Variants in SLC6A5 observed in about 807,000 individuals in gnomAD.
SLC6A5 encodes sodium- and chloride-dependent glycine transporter 2.
SLC6A5 carries 58 observed loss-of-function variants against 90.5 expected under a neutral mutation model. The observed-to-expected ratio is 0.64, with a 90% CI of 0.52 to 0.80. The LOEUF (loss-of-function observed/expected upper bound fraction) is 0.80. Among genes scored for constraint, SLC6A5 ranks in the 30% least tolerant of loss-of-function variants. SLC6A5 has a pLI of 0.00. For synonymous variants in SLC6A5, 427 were observed against 401.4 expected (o/e 1.06, Z -0.76); for missense variants, 1,015 against 1,017.6 (o/e 1.00, Z 0.03).
At chr11:20,627,946 T>A in intron 8 of SLC6A5, 34 bp from the exon 9 acceptor site, 7 of 1,545,324 alleles carry the variant, frequency 4.5e-6, no homozygotes, top group Non-Finnish European at 3.6e-6. Context: ...GTCTCCTTCA[T>A]GGGTCTTGAA....
chr11:20,626,773 C>G lies in SLC6A5; in HGVS notation c.1326C>G (p.Thr442=). Residue 442 remains threonine (T), a synonymous_variant, in exon 8 of 16, where the codon ACC becomes ACG. Transcript: ENST00000525748. ...TGATCCTCCTCATCCGAGGAGTCAC[C>G]CTGCCTGGAGCTGGAGCTGGGATCT... The part of the protein sequence containing the change: ...VLVILLIRGV[T]LPGAGAGIWY... 3.1e-6 allele frequency: 5 copies of G among 1,613,884 alleles called. No homozygotes were observed. Among genetic ancestry groups the G allele is most frequent in the Non-Finnish European group, 4.2e-6 (5 of 1,179,790 alleles).
chr11:20,615,035 C>T (rs139941593), intron 6 of SLC6A5, among the ~76,000 whole-genome samples: 5 of 152,134 alleles, frequency 3.3e-5, no homozygotes, highest in African/African-American at 4.8e-5. Context: ...AGAATCATTG[C>T]GGCTATAATT....
chr11:20,651,911 GAAA>G (rs942042144), intron 14 of SLC6A5, among the ~76,000 whole-genome samples: 1 of 144,132 alleles, frequency 6.9e-6, no homozygotes, highest in African/African-American at 2.6e-5. Context: ...GTCTCAAAAA[GAAA>G]AAAAAAAGAA....
chr11:20,607,022 C>A lies in SLC6A5; in HGVS notation c.695C>A (p.Pro232His), dbSNP rs1391670849. The A allele has an allele frequency of 6.2e-7, 1 of 1,614,020 alleles. No homozygotes were observed. Among genetic ancestry groups the A allele is most frequent in the African/African-American group, 1.3e-5 (1 of 74,920 alleles). The change falls in exon 4 of 16, where the codon CCT becomes CAT. Residue 232 changes from proline (P) to histidine (H), a missense_variant. Coordinates refer to ENST00000525748, the MANE Select transcript of SLC6A5 (RefSeq NM_004211.5). ...FQNGGGAFLIPYLMMLALAGL... is the reference protein window; with the variant it reads ...FQNGGGAFLIHYLMMLALAGL... ...TCTTTCCAAGGTGCTTTCCTCATCC[C>A]TTACCTGATGATGCTGGCTCTGGCT...
rs1373031954 is a variant in SLC6A5 at position 20,654,842 on chromosome 11, G to A, written c.2368G>A (p.Asp790Asn). Residue 790 changes from aspartate to asparagine, a missense_variant, in exon 16 of 16, where the codon GAT becomes AAT. Around this residue, in one of 3 missense-constraint regions of SLC6A5, gnomAD observed 442 missense variants for 494.3 expected, o/e 0.89. Coordinates refer to ENST00000525748, the MANE Select transcript of SLC6A5 (RefSeq NM_004211.5). The stretch of plus-strand genomic sequence containing the variant: ...CTTGGGACTCAAACTGCCAGTGAAG[G>A]ATTTGGAACTGGGCACTCAGTGCTA... ...SSLGLKLPVK[D>N]LELGTQC 6.2e-7 allele frequency: 1 copy of A among 1,614,196 alleles called. No homozygotes were observed. The highest frequency in any genetic ancestry group is 2.2e-5 in the East Asian group (1 of 44,870).
In SLC6A5 at chr11:20,653,492, C is replaced by G. The variant is rs77505958; in HGVS notation, c.2238+1036C>G. Among the ~76,000 whole-genome samples the G allele has an allele frequency of 1.6e-3, 242 of 152,274 alleles. 2 individuals carry two copies. The highest frequency in any genetic ancestry group is 5.6e-3 in the African/African-American group (234 of 41,550). ...AAAGGAATGAAGAAGGAACAGGCCT[C>G]TGGGTTATCCCATTGAGGCTCTGGA... On this transcript the variant is annotated intron_variant, in intron 15 of 15. Coordinates refer to ENST00000525748, the MANE Select transcript of SLC6A5 (RefSeq NM_004211.5).
chr11:20,602,044 G>C (rs958448766), intron 2 of SLC6A5, among the ~76,000 whole-genome samples: 2 of 152,202 alleles, frequency 1.3e-5, no homozygotes, highest in African/African-American at 4.8e-5. Flanking sequence ...AACAAAAAGA[G>C]GGTTAAAATT....
intron 14 of SLC6A5, among the ~76,000 whole-genome samples, chr11:20,651,287 T>G (rs900711570): frequency 3.8e-5 from 5 of 131,064 alleles, no homozygotes; most frequent in African/African-American, 1.4e-4. Flanking sequence ...CCTTCCCTTT[T>G]TCCTGAGACC....
chr11:20,616,014 G>A (rs187288491), intron 6 of SLC6A5, among the ~76,000 whole-genome samples: 139 of 152,306 alleles, frequency 9.1e-4, no homozygotes, highest in East Asian at 3.9e-4. Flanking sequence ...TTAAATGGCA[G>A]CAAAATAATT....
chr11:20,652,053 A>AT (rs34853326), intron 14 of SLC6A5, among the ~76,000 whole-genome samples: 2,586 of 152,284 alleles, frequency 0.017, 65 homozygotes, highest in African/African-American at 0.06. Flanking sequence ...ACATGCACAC[A>AT]TATTGCTCCG....
chr11:20,628,557 C>T (rs545762964), intron 9 of SLC6A5, among the ~76,000 whole-genome samples: 39 of 152,312 alleles, frequency 2.6e-4, no homozygotes, highest in Middle Eastern at 3.4e-3. Flanking sequence ...GCCCTATCTC[C>T]AAATACAGTC....
intron 2 of SLC6A5, among the ~76,000 whole-genome samples, chr11:20,602,217 C>T (rs1438347278): frequency 2.0e-5 from 3 of 152,136 alleles, no homozygotes; most frequent in Non-Finnish European, 4.4e-5. Context: ...GGGGCCTGTC[C>T]TTTGCCTGGG....
Position 20,654,907 on chromosome 11 carries a change from T to C in SLC6A5, c.*39T>C, listed in dbSNP as rs776766960. The C allele has an allele frequency of 2.4e-5, 38 of 1,599,348 alleles. No homozygotes were observed. The African/African-American group carries it at 2.8e-4, about 12-fold the overall frequency. ...GATGGTCCAGACTTGATCCTGTTTTTCCTCTCTGCCTCCTCCTAATGTTTT... is the reference window on the plus strand; with the variant it reads ...GATGGTCCAGACTTGATCCTGTTTTCCCTCTCTGCCTCCTCCTAATGTTTT... On this transcript the variant is annotated 3_prime_UTR_variant, in exon 16 of 16. Transcript: ENST00000525748.
In SLC6A5 at chr11:20,637,163, CGG is replaced by C. The variant is rs771768092; in HGVS notation, c.1738-8_1738-7del. The C allele has an allele frequency of 1.0e-4, 161 of 1,613,726 alleles. No individual in the cohort carries two copies. In the African/African-American group the frequency reaches 1.6e-3, roughly 16 times the overall value. ...TGACTCAGATGTTCATTTCCTGACA[CGG>C]TTCCAGTTTGCCACCATCGAGACCA... On this transcript the variant is annotated splice_polypyrimidine_tract_variant and splice_region_variant and intron_variant, in intron 11 of 15. Coordinates refer to ENST00000525748, the MANE Select transcript of SLC6A5 (RefSeq NM_004211.5).
At chr11:20,634,052 A>G (rs1220007816) in intron 10 of SLC6A5, among the ~76,000 whole-genome samples, 5 of 152,124 alleles carry the variant, frequency 3.3e-5, no homozygotes, top group Non-Finnish European at 7.3e-5. Context: ...TTGTATTTTT[A>G]GTAGAGACGG....
intron 13 of SLC6A5, among the ~76,000 whole-genome samples, chr11:20,639,444 T>C (rs1462665904): frequency 6.6e-6 from 1 of 152,084 alleles, no homozygotes; most frequent in African/African-American, 2.4e-5. Flanking sequence ...TATTCTAAGC[T>C]AAAAGGAAGT....
At chr11:20,609,320 A>T (rs1852650832) in intron 5 of SLC6A5, among the ~76,000 whole-genome samples, 1 of 151,470 alleles carries the variant, frequency 6.6e-6, no homozygotes, top group Non-Finnish European at 1.5e-5. Context: ...ACAAGGTGTC[A>T]ATCCACACTC....
rs1853097522 is a variant in SLC6A5 at position 20,630,889 on chromosome 11, T to TGCTG, written c.1624+76_1624+79dup. ...TGTCACAAGCTCCTAATTTAGACTATGCTGGGAAGCTGGCCTTCTGGAACA... is the reference window on the plus strand; with the variant it reads ...TGTCACAAGCTCCTAATTTAGACTATGCTGGCTGGGAAGCTGGCCTTCTGGAACA... On this transcript the variant is annotated intron_variant, in intron 10 of 15. Transcript: ENST00000525748. The TGCTG allele has an allele frequency of 4.5e-6, 7 of 1,559,772 alleles. No individual in the cohort carries two copies. The South Asian group carries it at 7.9e-5, about 18-fold the overall frequency.
In SLC6A5 at chr11:20,604,268, G is replaced by T. The variant is rs927897041; in HGVS notation, c.541-18G>T. ...CCTACTCGGGGCTGTTATCGACAAT[G>T]TGCTTTTCCGCCCCCAGGAGGACGA... On this transcript the variant is annotated intron_variant, in intron 2 of 15. Coordinates refer to ENST00000525748, the MANE Select transcript of SLC6A5 (RefSeq NM_004211.5). The T allele has an allele frequency of 6.2e-7, 1 of 1,603,840 alleles. No individual in the cohort carries two copies. The highest frequency in any genetic ancestry group is 1.3e-5 in the African/African-American group (1 of 74,918).
Sources: gnomAD v4.1 joint callset for allele counts (sites outside exome capture counted in the v4.1 genomes callset) on GRCh38, gnomAD v4.1.1 for gene constraint, gnomAD v4.1.1 regional missense constraint, MANE v1.5 for transcripts, NCBI Gene and HGNC (gene_info 2026-07-23, HGNC 2026-07-21) for gene names.